The following FAM200B variants were observed in gnomAD, a reference collection of about 807,000 sequenced individuals.
FAM200B encodes the protein zinc finger BED-type containing 11, also known as protein FAM200B.
A neutral mutation model predicts 33.1 loss-of-function variants in FAM200B; 32 were observed. That is an observed-to-expected ratio of 0.97 (90% CI 0.73 to 1.30). FAM200B has a LOEUF of 1.30. Among genes scored for constraint, FAM200B ranks in the 50% most tolerant of loss-of-function variants. The probability of loss-of-function intolerance (pLI) is 0.00; values close to 1 mark genes in which losing one functional copy is unlikely to be tolerated. For synonymous variants in FAM200B, 240 were observed against 264.8 expected, an observed-to-expected ratio of 0.91 and a Z score of 0.91; for missense variants, 741 against 754.0, an observed-to-expected ratio of 0.98 and a Z score of 0.20.
chr4:15,665,323 G>T, the FAM200B span, among the ~76,000 whole-genome samples: 1 of 152,100 alleles, frequency 6.6e-6, no homozygotes, highest in South Asian at 2.1e-4. Flanking sequence ...GCGGTGTCAG[G>T]CATCTTAGCC....
the FAM200B span, among the ~76,000 whole-genome samples, chr4:15,670,451 C>T: frequency 6.6e-6 from 1 of 152,180 alleles, no homozygotes; most frequent in Non-Finnish European, 1.5e-5. Context: ...ATTGGTGTTA[C>T]CATCATATCT....
chr4:15,642,040 GAAA>G, the FAM200B span, among the ~76,000 whole-genome samples: 1 of 150,524 alleles, frequency 6.6e-6, no homozygotes, highest in Non-Finnish European at 1.5e-5. Context: ...AAAAAAAAAA[GAAA>G]AAATTATTTG....
rs1481277260 is a variant in FAM200B at position 15,689,459 on chromosome 4, A to G, written c.*508A>G. 1 of 167,078 alleles carries G rather than the reference A, an allele frequency of 6.0e-6. No individual in the cohort carries two copies. Among genetic ancestry groups the G allele is most frequent in the Non-Finnish European group, 1.5e-5 (1 of 68,140 alleles). The allele number at this position is 167,078 out of a possible 1,614,324, so 10.3% of individuals were successfully genotyped here. On this transcript the variant is annotated 3_prime_UTR_variant, in exon 2 of 2. Transcript: ENST00000422728. ...ACTCTGGTCACTATTTTAAATTCTT[A>G]GGGTAAGTCTGAATTAAATGTTACT...
the FAM200B span, chr4:15,655,369 G>A: frequency 1.8e-6 from 2 of 1,117,358 alleles, no homozygotes; most frequent in Non-Finnish European, 2.2e-6. Flanking sequence ...GAGGCGGCGC[G>A]CCCCCTTGCG....
chr4:15,659,177 G>C, the FAM200B span, among the ~76,000 whole-genome samples: 1 of 152,156 alleles, frequency 6.6e-6, no homozygotes, highest in African/African-American at 2.4e-5. Context: ...TTAAGTACCT[G>C]ACATTATGTA....
intron 1 of FAM200B, among the ~76,000 whole-genome samples, chr4:15,683,276 T>C (rs1460923332): frequency 3.9e-5 from 6 of 152,084 alleles, no homozygotes; most frequent in Admixed American, 3.9e-4. Context: ...GGCCTCTTAC[T>C]TAGATGATAC....
the FAM200B span, among the ~76,000 whole-genome samples, chr4:15,649,573 C>T: frequency 1.9e-5 from 2 of 106,908 alleles, no homozygotes; most frequent in Non-Finnish European, 3.7e-5. Flanking sequence ...GGCAAGACTA[C>T]GTCTCAAAAA....
At chr4:15,666,636 G>A in the FAM200B span, among the ~76,000 whole-genome samples, 1 of 151,782 alleles carries the variant, frequency 6.6e-6, no homozygotes, top group Admixed American at 6.6e-5. Flanking sequence ...ACTAAGAGAA[G>A]CCTGGGAAAC....
chr4:15,655,455 A>T, the FAM200B span: 122 of 922,958 alleles, frequency 1.3e-4, no homozygotes, highest in Non-Finnish European at 1.4e-4. Flanking sequence ...GGCCGCCGCC[A>T]TGCGATCCCT....
the FAM200B span, chr4:15,655,436 G>A: frequency 2.0e-6 from 2 of 984,026 alleles, no homozygotes; most frequent in Non-Finnish European, 1.2e-6. Context: ...GGGGACGCGG[G>A]GGCGCGCAGG....
At chr4:15,668,689 T>G in the FAM200B span, among the ~76,000 whole-genome samples, 2 of 152,186 alleles carry the variant, frequency 1.3e-5, no homozygotes, top group Non-Finnish European at 2.9e-5. Flanking sequence ...GCTATTTGGA[T>G]ATAAGATGCT....
At chr4:15,679,165 C>T (rs548514655), upstream of FAM200B, among the ~76,000 whole-genome samples, 4 of 150,654 alleles carry the variant, frequency 2.7e-5, no homozygotes, top group Non-Finnish European at 4.4e-5. Context: ...TGGGTTCAAG[C>T]GATTCTCCTG....
chr4:15,644,763 T>A, the FAM200B span: 1 of 1,284,650 alleles, frequency 7.8e-7, no homozygotes. Context: ...TATGCACAAA[T>A]AAAAAATATT....
the FAM200B span, among the ~76,000 whole-genome samples, chr4:15,640,295 C>T: frequency 1.4e-4 from 21 of 150,952 alleles, no homozygotes; most frequent in Non-Finnish European, 2.8e-4. Flanking sequence ...TCTGTCCTGC[C>T]TCAGCTTCCC....
chr4:15,676,531 T>G, the FAM200B span, among the ~76,000 whole-genome samples: 1 of 152,204 alleles, frequency 6.6e-6, no homozygotes, highest in Non-Finnish European at 1.5e-5. Flanking sequence ...TAGCTTCTAA[T>G]TCAAAGAAAC....
chr4:15,640,194 C>T, the FAM200B span, among the ~76,000 whole-genome samples: 2 of 152,022 alleles, frequency 1.3e-5, no homozygotes, highest in African/African-American at 4.8e-5. Flanking sequence ...GCACATGCCA[C>T]CATGCCCAGC....
At chr4:15,656,102 G>C in the FAM200B span, 25 of 448,876 alleles carry the variant, frequency 5.6e-5, no homozygotes, top group Admixed American at 5.9e-4. Flanking sequence ...ACGCGGGTCA[G>C]GGATAGGCCC....
In FAM200B at chr4:15,688,909, A is replaced by G. The variant is rs1436598693; in HGVS notation, c.1932A>G (p.Pro644=). The G allele has an allele frequency of 6.5e-7, 1 of 1,541,624 alleles. No homozygotes were observed. The highest frequency in any genetic ancestry group is 8.8e-7 in the Non-Finnish European group (1 of 1,140,904). Residue 644 remains proline, a synonymous_variant, in exon 2 of 2, where the codon CCA becomes CCG. Coordinates refer to ENST00000422728, the MANE Select transcript of FAM200B (RefSeq NM_001145191.2). Reference sequence around the variant, plus strand: ...GGGTAGCATTATCTTCCTGTGTTCCAGACTGGAATGAACTTATGAACAGGC... The same window carrying G: ...GGGTAGCATTATCTTCCTGTGTTCCGGACTGGAATGAACTTATGAACAGGC... ...VMRVALSSCV[P]DWNELMNRQA... is the part of the protein sequence containing the mutation.
At chr4:15,652,937 A>C in the FAM200B span, among the ~76,000 whole-genome samples, 1 of 152,210 alleles carries the variant, frequency 6.6e-6, no homozygotes, top group Non-Finnish European at 1.5e-5. Flanking sequence ...GCAAAACGTG[A>C]GATGATAAAT....
Sources: gnomAD v4.1 joint callset for allele counts (sites outside exome capture counted in the v4.1 genomes callset) on GRCh38, gnomAD v4.1.1 for gene constraint, MANE v1.5 for transcripts, NCBI Gene and HGNC (gene_info 2026-07-23, HGNC 2026-07-21) for gene names.